Variants in DDX10 observed in about 807,000 individuals in gnomAD.
The protein encoded by DDX10 is probable ATP-dependent RNA helicase DDX10.
Under a neutral mutation model 104.3 loss-of-function variants are expected in DDX10, and 74 were observed. The observed-to-expected ratio is 0.71, with a 90% confidence interval of 0.59 to 0.86. The LOEUF (loss-of-function observed/expected upper bound fraction) is 0.86, where lower values mean the gene tolerates loss of function less well. DDX10 is among the 40% of genes least tolerant of loss of function. DDX10 has a pLI of 0.00. For missense variants in DDX10, 952 were observed against 1,040.0 expected (o/e 0.92, Z 1.16); for synonymous variants, 351 against 353.4 (o/e 0.99, Z 0.08).
intron 16 of DDX10, among the ~76,000 whole-genome samples, chr11:108,908,357 G>T (rs1259455624): frequency 6.6e-6 from 1 of 151,956 alleles, no homozygotes; most frequent in Admixed American, 6.6e-5. Context: ...TTCCTTGTCG[G>T]AATCAAAAAT....
chr11:108,840,125 A>G (rs1182100793), intron 14 of DDX10, among the ~76,000 whole-genome samples: 1 of 152,200 alleles, frequency 6.6e-6, no homozygotes, highest in Non-Finnish European at 1.5e-5. Context: ...TGAGGAGTCC[A>G]AGTAACATGA....
intron 13 of DDX10, among the ~76,000 whole-genome samples, chr11:108,806,199 G>A (rs892728305): frequency 6.6e-6 from 1 of 152,166 alleles, no homozygotes; most frequent in African/African-American, 2.4e-5. Flanking sequence ...CTGGCCTCAG[G>A]TGATCCCTCC....
rs148304650 is a variant in DDX10, at chr11:108,879,064, C to T, written c.2304+26855C>T. ...CTGTCGCCAGGCTGGAGTGCAGTGG[C>T]GCGATCTCGGCTCACTGCAACCTCC... On this transcript the variant is annotated intron_variant, in intron 16 of 17. Transcript: ENST00000322536. Among the ~76,000 whole-genome samples, 1,452 of 152,138 alleles carry T rather than the reference C, an allele frequency of 9.5e-3. 18 individuals carry two copies. Among genetic ancestry groups the T allele is most frequent in the African/African-American group, 0.033 (1,357 of 41,490 alleles).
At chr11:108,686,225 A>G (rs988154205) in intron 6 of DDX10, among the ~76,000 whole-genome samples, 3 of 152,136 alleles carry the variant, frequency 2.0e-5, no homozygotes, top group African/African-American at 7.2e-5. Context: ...ATTTGCTACA[A>G]TGGATGGACC....
intron 13 of DDX10, among the ~76,000 whole-genome samples, chr11:108,729,076 G>A (rs7931638): frequency 0.89 from 135,214 of 152,160 alleles, 60,355 homozygotes; most frequent in East Asian, 0.99. Flanking sequence ...TCTACAGTTC[G>A]AAAATGCAAG....
At chr11:108,776,552 A>G (rs1188486983) in intron 13 of DDX10, among the ~76,000 whole-genome samples, 1 of 152,152 alleles carries the variant, frequency 6.6e-6, no homozygotes, top group Non-Finnish European at 1.5e-5. Flanking sequence ...CGGCCCCTCG[A>G]GATTCCATAT....
chr11:108,875,301 C>G (rs1030807202), intron 16 of DDX10, among the ~76,000 whole-genome samples: 1 of 152,098 alleles, frequency 6.6e-6, no homozygotes, highest in Non-Finnish European at 1.5e-5. Context: ...TATCTTAGCT[C>G]TTTATCTCTA....
chr11:108,705,635 A>G (rs2094274762), intron 9 of DDX10, among the ~76,000 whole-genome samples: 1 of 152,096 alleles, frequency 6.6e-6, no homozygotes, highest in South Asian at 2.1e-4. Context: ...GTTCATGCCC[A>G]CCCACCACAA....
At chr11:108,903,559 T>A (rs901461366) in intron 16 of DDX10, among the ~76,000 whole-genome samples, 7 of 152,294 alleles carry the variant, frequency 4.6e-5, no homozygotes, top group African/African-American at 1.7e-4. Context: ...GTAAGAACTG[T>A]TTACATAGCC....
intron 17 of DDX10, 53 bp from the exon 18 acceptor site, chr11:108,940,193 A>G (rs1591134223): frequency 1.3e-6 from 2 of 1,558,812 alleles, no homozygotes; most frequent in South Asian, 2.4e-5. Flanking sequence ...CCTATTTTAA[A>G]TGTTTGATTT....
intron 6 of DDX10, among the ~76,000 whole-genome samples, chr11:108,682,801 G>A (rs749271307): frequency 1.3e-5 from 2 of 151,972 alleles, no homozygotes; most frequent in Non-Finnish European, 2.9e-5. Context: ...GTGCAGACTT[G>A]TTAGTGAAAC....
chr11:108,695,385 C>T (rs947958629), intron 9 of DDX10, among the ~76,000 whole-genome samples: 2 of 152,182 alleles, frequency 1.3e-5, no homozygotes, highest in African/African-American at 2.4e-5. Flanking sequence ...CTTCCAATTT[C>T]ATGCCACAAA....
chr11:108,873,160 T>C (rs981239913), intron 16 of DDX10, among the ~76,000 whole-genome samples: 3 of 152,196 alleles, frequency 2.0e-5, no homozygotes, highest in African/African-American at 7.2e-5. Context: ...GGTAATATGG[T>C]ATTTAAATTT....
At chr11:108,706,988 G>T in intron 10 of DDX10, 151 bp downstream of exon 10, 1 of 642,420 alleles carries the variant, frequency 1.6e-6, no homozygotes, top group Non-Finnish European at 2.7e-6. Context: ...ACAGTTTTAG[G>T]TTCACAGGAA....
chr11:108,708,571 A>AT (rs202129373), intron 10 of DDX10, among the ~76,000 whole-genome samples: 75,762 of 143,362 alleles, frequency 0.53, 20,668 homozygotes, highest in Non-Finnish European at 0.62. Flanking sequence ...TGTTCATAGT[A>AT]TTTTTTTTTT....
At chr11:108,752,116 G>T (rs2094339458) in intron 13 of DDX10, among the ~76,000 whole-genome samples, 1 of 152,158 alleles carries the variant, frequency 6.6e-6, no homozygotes, top group Non-Finnish European at 1.5e-5. Context: ...GGGTTGTGAA[G>T]AATGGGGCAT....
At chr11:108,769,063 G>A (rs981681895) in intron 13 of DDX10, among the ~76,000 whole-genome samples, 3 of 152,110 alleles carry the variant, frequency 2.0e-5, no homozygotes, top group South Asian at 4.2e-4. Context: ...TAGTCTAATT[G>A]TCATTCTCCT....
intron 13 of DDX10, among the ~76,000 whole-genome samples, chr11:108,724,086 C>T (rs902529783): frequency 2.0e-5 from 3 of 151,900 alleles, no homozygotes; most frequent in Admixed American, 2.0e-4. Context: ...AATGTGTTTC[C>T]CCTTCTCCCT....
At chr11:108,684,728 G>T (rs879902816) in intron 6 of DDX10, among the ~76,000 whole-genome samples, 2 of 145,064 alleles carry the variant, frequency 1.4e-5, no homozygotes, top group African/African-American at 2.5e-5. Flanking sequence ...TAATGGGATG[G>T]CTGGGTCAAA....
Sources: allele counts gnomAD v4.1 joint callset (sites outside exome capture counted in the v4.1 genomes callset), GRCh38; gene constraint gnomAD v4.1.1; transcripts MANE v1.5; gene names NCBI Gene and HGNC (gene_info 2026-07-23, HGNC 2026-07-21).